The following DENND1B variants were observed in gnomAD, a reference collection of about 807,000 sequenced individuals.
DENND1B encodes the protein DENN domain containing 1B.
Under a neutral mutation model 90.1 loss-of-function variants are expected in DENND1B, and 59 were observed. The ratio of observed to expected loss-of-function variants is 0.65; its 90% CI spans 0.53 to 0.81. The LOEUF (loss-of-function observed/expected upper bound fraction) is 0.81. Ranked by LOEUF, DENND1B falls within the 40% of genes least tolerant of loss-of-function variation. The probability of loss-of-function intolerance (pLI) is 0.00; values close to 1 mark genes in which losing one functional copy is unlikely to be tolerated. For missense variants in DENND1B, 862 were observed against 912.6 expected, an observed-to-expected ratio of 0.94 and a Z score of 0.71; for synonymous variants, 337 against 324.6, an observed-to-expected ratio of 1.04 and a Z score of -0.41.
intron 13 of DENND1B, among the ~76,000 whole-genome samples, chr1:197,600,164 T>A (rs569179480): frequency 6.6e-6 from 1 of 151,964 alleles, no homozygotes; most frequent in African/African-American, 2.4e-5. Flanking sequence ...AAAAGGCTGA[T>A]CTGAGAGTGC....
At chr1:197,517,332 C>T (rs1430988714) in intron 20 of DENND1B, among the ~76,000 whole-genome samples, 1 of 151,828 alleles carries the variant, frequency 6.6e-6, no homozygotes, top group African/African-American at 2.4e-5. Flanking sequence ...CATTCACTTG[C>T]CTTTCATTCA....
intron 10 of DENND1B, among the ~76,000 whole-genome samples, chr1:197,621,682 T>G (rs2125872022): frequency 6.6e-6 from 1 of 151,480 alleles, no homozygotes; most frequent in South Asian, 2.1e-4. Flanking sequence ...TTTTCTAATA[T>G]CGTCAGTTGC....
At chr1:197,592,185 G>C (rs1215178347) in intron 14 of DENND1B, among the ~76,000 whole-genome samples, 1 of 149,032 alleles carries the variant, frequency 6.7e-6, no homozygotes, top group Non-Finnish European at 1.5e-5. Flanking sequence ...TAGAGCAAGA[G>C]AGGGACCGTG....
chr1:197,553,129 T>C lies in DENND1B; in HGVS notation c.1150-17A>G, dbSNP rs1671387672. 6.0e-6 allele frequency: 9 copies of C among 1,511,828 alleles called. No individual in the cohort carries two copies. Among genetic ancestry groups the C allele is most frequent in the Non-Finnish European group, 8.0e-6 (9 of 1,129,396 alleles). The allele number at this position is 1,511,828 out of a possible 1,614,324, so 93.7% of individuals were successfully genotyped here. ...ATCGATAAACTAGAATTAAAAAGTG[T>C]CAAATAAAATGTATCAAATAAAATG... On this transcript the variant is annotated splice_polypyrimidine_tract_variant and intron_variant, in intron 15 of 22. Coordinates refer to ENST00000620048, the MANE Select transcript of DENND1B (RefSeq NM_001195215.2).
At chr1:197,772,259 C>G (rs1416399957) in intron 2 of DENND1B, among the ~76,000 whole-genome samples, 1 of 152,178 alleles carries the variant, frequency 6.6e-6, no homozygotes, top group African/African-American at 2.4e-5. Flanking sequence ...CGCCCTTTCA[C>G]CAAAACTAAT....
At chr1:197,650,554 A>T (rs1226752749) in intron 7 of DENND1B, among the ~76,000 whole-genome samples, 1 of 152,236 alleles carries the variant, frequency 6.6e-6, no homozygotes, top group African/African-American at 2.4e-5. Flanking sequence ...CATGAAAAAC[A>T]TACTTGCACA....
At chr1:197,542,917 T>TTTATTTA (rs1670444782) in intron 18 of DENND1B, among the ~76,000 whole-genome samples, 1 of 148,012 alleles carries the variant, frequency 6.8e-6, no homozygotes, top group Non-Finnish European at 1.5e-5. Flanking sequence ...TAGAAACCTT[T>TTTATTTA]TTTATTTATT....
intron 11 of DENND1B, among the ~76,000 whole-genome samples, chr1:197,613,040 T>C (rs1464923399): frequency 6.6e-6 from 1 of 150,858 alleles, no homozygotes; most frequent in Non-Finnish European, 1.5e-5. Context: ...TTTATAGGCA[T>C]CTTTGTGCTC....
At chr1:197,610,635 T>C (rs1677099963) in intron 12 of DENND1B, among the ~76,000 whole-genome samples, 1 of 150,914 alleles carries the variant, frequency 6.6e-6, no homozygotes, top group African/African-American at 2.4e-5. Context: ...AGGTTAGATT[T>C]TAAATGAAGT....
rs1201334663 is a variant in DENND1B at position 197,772,934 on chromosome 1, TA to T, written c.18-3del. 2.0e-5 allele frequency: 31 copies of T among 1,550,488 alleles called. No individual in the cohort carries two copies. The highest frequency in any genetic ancestry group is 2.6e-5 in the Non-Finnish European group (30 of 1,146,468). Reference sequence around the variant, plus strand: ...TCAAAGGTTCTGTCTGGATTTGCCCTAAAAGGAAAAAGTTTAAATTAATTTC... The same window carrying T: ...TCAAAGGTTCTGTCTGGATTTGCCCTAAAGGAAAAAGTTTAAATTAATTTC... On this transcript the variant is annotated splice_polypyrimidine_tract_variant and splice_region_variant and intron_variant, in intron 1 of 22. Coordinates refer to ENST00000620048, the MANE Select transcript of DENND1B (RefSeq NM_001195215.2).
At chr1:197,762,221 ATAGACTATAACTTC>A (rs1172961417) in intron 2 of DENND1B, among the ~76,000 whole-genome samples, 1 of 152,186 alleles carries the variant, frequency 6.6e-6, no homozygotes, top group Non-Finnish European at 1.5e-5. Context: ...CTAGCTCAAG[ATAGACTATAACTTC>A]CACGAGACAG....
chr1:197,714,078 G>A (rs1442711124), intron 3 of DENND1B, among the ~76,000 whole-genome samples: 1 of 148,392 alleles, frequency 6.7e-6, no homozygotes, highest in East Asian at 2.0e-4. Context: ...CCAGGTTCAA[G>A]TGATTCTCCT....
At chr1:197,656,506 T>C (rs1316539764) in intron 6 of DENND1B, among the ~76,000 whole-genome samples, 1 of 152,174 alleles carries the variant, frequency 6.6e-6, no homozygotes, top group Non-Finnish European at 1.5e-5. Context: ...GCTAATATTT[T>C]AGTAAATTAG....
intron 12 of DENND1B, among the ~76,000 whole-genome samples, chr1:197,609,296 C>A (rs906170426): frequency 2.7e-5 from 4 of 150,658 alleles, no homozygotes; most frequent in African/African-American, 4.8e-5. Flanking sequence ...TACAATATGG[C>A]TACAAAGGTA....
chr1:197,681,450 A>T (rs1040257692), intron 3 of DENND1B, among the ~76,000 whole-genome samples: 1 of 152,142 alleles, frequency 6.6e-6, no homozygotes, highest in Non-Finnish European at 1.5e-5. Context: ...GGACATACTG[A>T]TCAAATTCTT....
intron 2 of DENND1B, among the ~76,000 whole-genome samples, chr1:197,771,208 C>A (rs529632345): frequency 6.6e-6 from 1 of 152,016 alleles, no homozygotes; most frequent in African/African-American, 2.4e-5. Flanking sequence ...CACCGTGCCA[C>A]GCCTTTACAA....
chr1:197,575,621 A>T (rs1018201076), intron 15 of DENND1B, among the ~76,000 whole-genome samples: 1 of 152,268 alleles, frequency 6.6e-6, no homozygotes, highest in Non-Finnish European at 1.5e-5. Context: ...TACCATAAAG[A>T]CATATGCACA....
intron 20 of DENND1B, among the ~76,000 whole-genome samples, chr1:197,517,886 TTC>T (rs1668510278): frequency 6.6e-6 from 1 of 151,238 alleles, no homozygotes; most frequent in Non-Finnish European, 1.5e-5. Context: ...CTACCAAAAC[TTC>T]TTTCTTCCTG....
At chr1:197,689,186 G>C (rs1324636961) in intron 3 of DENND1B, 1 of 152,194 alleles carries the variant, frequency 6.6e-6, no homozygotes, top group East Asian at 1.9e-4. Context: ...ATATGGCTGG[G>C]GAGGTCTCAT....
Sources: gnomAD v4.1 joint callset for allele counts (sites outside exome capture counted in the v4.1 genomes callset) on GRCh38, gnomAD v4.1.1 for gene constraint, MANE v1.5 for transcripts, NCBI Gene and HGNC (gene_info 2026-07-23, HGNC 2026-07-21) for gene names.